The following SP140 variants were observed in gnomAD, a reference collection of about 807,000 sequenced individuals.
SP140 encodes the protein SP140 nuclear body protein, also known as nuclear body protein SP140.
SP140 carries 81 observed loss-of-function variants against 125.0 expected under a neutral mutation model. That is an observed-to-expected ratio of 0.65 (90% confidence interval 0.54 to 0.78). The LOEUF (loss-of-function observed/expected upper bound fraction) is 0.78, where lower values mean the gene tolerates loss of function less well. SP140 is among the 30% of genes least tolerant of loss of function. The probability of loss-of-function intolerance (pLI) is 0.00; values close to 1 mark genes in which losing one functional copy is unlikely to be tolerated. For synonymous variants in SP140, 312 were observed against 354.0 expected, an observed-to-expected ratio of 0.88 and a Z score of 1.33; for missense variants, 858 against 1,037.0, an observed-to-expected ratio of 0.83 and a Z score of 2.37.
At chr2:230,269,380 T>C in intron 12 of SP140, 152 bp from the exon 13 acceptor site, 1 of 604,892 alleles carries the variant, frequency 1.7e-6, no homozygotes. Context: ...CTCTGTTATG[T>C]GTCAAATGTG....
At position 230,280,257 on chromosome 2, in the gene SP140, G is replaced by T. The variant is rs541977319; in HGVS notation, c.1499-4089G>T. On this transcript the variant is annotated intron_variant, in intron 15 of 26. Transcript: ENST00000392045. The stretch of plus-strand genomic sequence containing the variant: ...GATGTTTTTCTTTTATCATTATACA[G>T]CATTCTGCTTTATCCCTGTTAATGC... Among the ~76,000 whole-genome samples, 5 of 152,164 alleles carry T rather than the reference G, an allele frequency of 3.3e-5. No individual in the cohort carries two copies. The South Asian group carries it at 1.0e-3, about 32-fold the overall frequency.
chr2:230,255,996 TA>T (rs1328887729), intron 12 of SP140, among the ~76,000 whole-genome samples: 1 of 152,230 alleles, frequency 6.6e-6, no homozygotes, highest in African/African-American at 2.4e-5. Context: ...CTTTTGCCTT[TA>T]TTTTTTCTAG....
intron 26 of SP140, among the ~76,000 whole-genome samples, chr2:230,312,209 G>A (rs535747749): frequency 4.6e-5 from 7 of 152,298 alleles, no homozygotes; most frequent in African/African-American, 1.7e-4. Flanking sequence ...GGTAAGAAAC[G>A]GAAGTTACTC....
At chr2:230,288,489 CTTTCTTTCTTTCTTTCTTTCTTTCTTTCT>C (rs1318259415) in intron 18 of SP140, among the ~76,000 whole-genome samples, 1 of 116,322 alleles carries the variant, frequency 8.6e-6, no homozygotes, top group Admixed American at 8.3e-5. Context: ...TTCTTTCTTT[CTTTCTTTCTTTCTTTCTTTCTTTCTTTCT>C]TTCTTTTTTT....
At chr2:230,223,142 TTC>T (rs1463540515), upstream of SP140, among the ~76,000 whole-genome samples, 6 of 152,140 alleles carry the variant, frequency 3.9e-5, no homozygotes, top group Non-Finnish European at 2.9e-5. Flanking sequence ...GTTCAAGTGA[TTC>T]TCTTTCCTCA....
intron 22 of SP140, among the ~76,000 whole-genome samples, chr2:230,301,464 G>T (rs145835185): frequency 6.6e-6 from 1 of 152,178 alleles, no homozygotes; most frequent in African/African-American, 2.4e-5. Context: ...AAGCTAGAAG[G>T]CTTTGGGATC....
At chr2:230,212,308 C>T in intron 1 of SP140, 1 of 1,462,718 alleles carries the variant, frequency 6.8e-7, no homozygotes, top group South Asian at 1.1e-5. Flanking sequence ...CCTTCACAGT[C>T]ACCTTGAGCT....
intron 8 of SP140, 136 bp from the exon 9 acceptor site, chr2:230,248,749 G>T (rs2049898509): frequency 1.5e-6 from 1 of 658,922 alleles, no homozygotes; most frequent in Non-Finnish European, 2.7e-6. Context: ...AGAAAGAGGA[G>T]CTGCAACAAG....
At chr2:230,287,758 G>T in intron 17 of SP140, 134 bp from the exon 18 acceptor site, 2 of 648,240 alleles carry the variant, frequency 3.1e-6, no homozygotes, top group Non-Finnish European at 2.5e-6. Context: ...TTAAAGGCTA[G>T]GGTTTAAATC....
At chr2:230,294,901 A>G (rs2057529755) in intron 21 of SP140, among the ~76,000 whole-genome samples, 1 of 152,210 alleles carries the variant, frequency 6.6e-6, no homozygotes. Context: ...TGTCTTCTCA[A>G]GGTGAAATTA....
At chr2:230,311,857 G>A (rs932606481) in intron 26 of SP140, among the ~76,000 whole-genome samples, 9 of 152,204 alleles carry the variant, frequency 5.9e-5, no homozygotes, top group African/African-American at 1.9e-4. Flanking sequence ...CTCAGAGAGA[G>A]CAATTGAATC....
At chr2:230,187,850 T>C in the SP140 span, among the ~76,000 whole-genome samples, 1 of 152,230 alleles carries the variant, frequency 6.6e-6, no homozygotes, top group Non-Finnish European at 1.5e-5. Flanking sequence ...CATTGGTCGA[T>C]GTATCTACTT....
intron 15 of SP140, among the ~76,000 whole-genome samples, chr2:230,271,293 C>T (rs2053882485): frequency 6.6e-6 from 1 of 152,090 alleles, no homozygotes; most frequent in South Asian, 2.1e-4. Flanking sequence ...TGGGATTGGG[C>T]AATGGACAGA....
intron 12 of SP140, among the ~76,000 whole-genome samples, chr2:230,268,664 G>A (rs1489061248): frequency 1.3e-5 from 2 of 152,130 alleles, no homozygotes; most frequent in Non-Finnish European, 2.9e-5. Flanking sequence ...GTATCTAATT[G>A]TATACCCATG....
intron 21 of SP140, among the ~76,000 whole-genome samples, chr2:230,296,538 TGGATAGAAG>T (rs2057752286): frequency 6.6e-6 from 1 of 152,180 alleles, no homozygotes; most frequent in Non-Finnish European, 1.5e-5. Flanking sequence ...TCTTGTGATT[TGGATAGAAG>T]GGAGAGGGAG....
In SP140 at chr2:230,250,980, G is replaced by A; in HGVS notation, c.977-1G>A. 2 of 1,613,714 alleles carry A rather than the reference G, an allele frequency of 1.2e-6. No individual in the cohort carries two copies. The highest frequency in any genetic ancestry group is 1.7e-6 in the Non-Finnish European group (2 of 1,179,694). On this transcript the variant is annotated splice_acceptor_variant, in intron 9 of 26. Coordinates refer to ENST00000392045, the MANE Select transcript of SP140 (RefSeq NM_007237.5). LOFTEE classifies it high-confidence loss of function. The stretch of plus-strand genomic sequence containing the variant: ...TTGAGGGATTTCTTTTCTTTCTGCA[G>A]AGGGCAGTGATGACTGTTCAGAAAT...
At chr2:230,243,617 A>G in intron 4 of SP140, 114 bp from the exon 5 acceptor site, 1 of 773,020 alleles carries the variant, frequency 1.3e-6, no homozygotes, top group East Asian at 2.6e-5. Context: ...GTTTGGGGAG[A>G]GGGGACCTTC....
chr2:230,311,858 C>G (rs2149641203), intron 26 of SP140, among the ~76,000 whole-genome samples: 1 of 152,322 alleles, frequency 6.6e-6, no homozygotes, highest in Middle Eastern at 3.4e-3. Context: ...TCAGAGAGAG[C>G]AATTGAATCC....
At chr2:230,188,006 T>A in the SP140 span, among the ~76,000 whole-genome samples, 9 of 152,118 alleles carry the variant, frequency 5.9e-5, no homozygotes, top group East Asian at 1.7e-3. Context: ...AATTTTAAGA[T>A]TTTTTTTCCA....
Sources: gnomAD v4.1 joint callset for allele counts (sites outside exome capture counted in the v4.1 genomes callset) on GRCh38, gnomAD v4.1.1 for gene constraint, MANE v1.5 for transcripts, NCBI Gene and HGNC (gene_info 2026-07-23, HGNC 2026-07-21) for gene names.